ESRRG: variants seen among roughly 807,000 people sequenced by gnomAD.
ESRRG encodes the protein estrogen-related receptor gamma.
Under a neutral mutation model 44.0 loss-of-function variants are expected in ESRRG, and 13 were observed. The observed-to-expected ratio is 0.30, with a 90% confidence interval of 0.19 to 0.47. The LOEUF (loss-of-function observed/expected upper bound fraction) is 0.47, where lower values mean the gene tolerates loss of function less well. ESRRG is among the 20% of genes least tolerant of loss of function. ESRRG has a pLI of 1.00. For missense variants in ESRRG, 395 were observed against 580.6 expected (o/e 0.68, Z 3.29); for synonymous variants, 215 against 214.6 (o/e 1.00, Z -0.02).
intron 3 of ESRRG, among the ~76,000 whole-genome samples, chr1:216,604,186 C>T (rs2059627170): frequency 1.3e-5 from 2 of 152,140 alleles, no homozygotes; most frequent in Admixed American, 1.3e-4. Context: ...TGGAGAATTA[C>T]AGGAGCAAAA....
chr1:216,630,590 G>A (rs571278876), intron 3 of ESRRG, among the ~76,000 whole-genome samples: 9 of 152,006 alleles, frequency 5.9e-5, no homozygotes, highest in East Asian at 1.9e-4. Context: ...AAACCCTCCC[G>A]AGCCCTTAAC....
intron 3 of ESRRG, among the ~76,000 whole-genome samples, chr1:216,650,746 G>A (rs986337096): frequency 5.9e-5 from 9 of 152,136 alleles, no homozygotes; most frequent in Admixed American, 6.6e-5. Context: ...CATACCTGGT[G>A]TGTTTCGCTG....
Position 216,519,210 on chromosome 1 carries a change from G to A in ESRRG, c.1074C>T (p.Ser358=), listed in dbSNP as rs2045314768. The A allele has an allele frequency of 6.2e-7, 1 of 1,613,654 alleles. No individual in the cohort carries two copies. The part of the protein sequence containing the change: ...AILQLVKKYK[S]MKLEKEEFVT... ...CAAATTCTTCTTTTTCCAGCTTCAT[G>A]CTCTTGTATTTCTTTACCAGCTGCA... The change falls in exon 6 of 7, where the codon AGC becomes AGT. Residue 358 remains serine, a synonymous_variant. Coordinates refer to ENST00000408911, the MANE Select transcript of ESRRG (RefSeq NM_001438.4).
intron 2 of ESRRG, among the ~76,000 whole-genome samples, chr1:216,909,695 ATT>A (rs2149566723): frequency 6.6e-6 from 1 of 152,146 alleles, no homozygotes; most frequent in South Asian, 2.1e-4. Context: ...TCCTTACCTA[ATT>A]TATCTGTGAC....
At chr1:216,693,593 T>C (rs906464840) in intron 1 of ESRRG, among the ~76,000 whole-genome samples, 2 of 152,234 alleles carry the variant, frequency 1.3e-5, no homozygotes, top group Admixed American at 6.5e-5. Flanking sequence ...CTTTAAATCA[T>C]CTCTGGATTA....
intron 1 of ESRRG, among the ~76,000 whole-genome samples, chr1:216,956,877 C>T (rs1340330278): frequency 6.6e-6 from 1 of 151,988 alleles, no homozygotes; most frequent in Non-Finnish European, 1.5e-5. Flanking sequence ...ATAAACAAAA[C>T]CAAAAGGTTA....
intron 2 of ESRRG, among the ~76,000 whole-genome samples, chr1:216,918,696 G>A (rs191139976): frequency 6.6e-6 from 1 of 151,644 alleles, no homozygotes; most frequent in Admixed American, 6.6e-5. Flanking sequence ...TGTGCTTTGA[G>A]TTAAAATTTT....
intron 2 of ESRRG, among the ~76,000 whole-genome samples, chr1:216,740,336 C>T (rs1361497345): frequency 6.6e-6 from 1 of 152,108 alleles, no homozygotes; most frequent in Non-Finnish European, 1.5e-5. Context: ...AAAATAAAGG[C>T]ATCTGCACCA....
At chr1:216,695,128 C>T (rs2079872775) in intron 1 of ESRRG, among the ~76,000 whole-genome samples, 1 of 152,036 alleles carries the variant, frequency 6.6e-6, no homozygotes, top group African/African-American at 2.4e-5. Flanking sequence ...GAGGTTTTTG[C>T]ACTCCTAGTA....
intron 2 of ESRRG, among the ~76,000 whole-genome samples, chr1:216,932,826 C>G (rs2063565686): frequency 6.7e-6 from 1 of 150,134 alleles, no homozygotes; most frequent in Non-Finnish European, 1.5e-5. Context: ...CTTTGGCCTC[C>G]CAAAGTGCTA....
At chr1:216,599,797 A>G (rs1286360364) in intron 3 of ESRRG, among the ~76,000 whole-genome samples, 26 of 151,702 alleles carry the variant, frequency 1.7e-4, no homozygotes, top group Admixed American at 1.7e-3. Context: ...GCTTATCTGG[A>G]GTTCATGGAG....
intron 2 of ESRRG, among the ~76,000 whole-genome samples, chr1:216,927,535 C>T (rs74141707): frequency 0.057 from 8,698 of 152,210 alleles, 271 homozygotes; most frequent in African/African-American, 0.079. Context: ...TGCTGAGCTT[C>T]TGAACTAGAA....
chr1:216,724,329 T>C (rs918100978), upstream of ESRRG, among the ~76,000 whole-genome samples: 1 of 150,582 alleles, frequency 6.6e-6, no homozygotes, highest in African/African-American at 2.4e-5. Flanking sequence ...GAATTAAATC[T>C]CTCTCGATGC....
intron 2 of ESRRG, among the ~76,000 whole-genome samples, chr1:216,746,538 C>T (rs555566538): frequency 5.9e-5 from 9 of 152,160 alleles, no homozygotes; most frequent in East Asian, 3.9e-4. Flanking sequence ...TCTTAATTTT[C>T]GTAGTATTTT....
rs546665857 is a variant in ESRRG, at chr1:217,062,641, G to A, written c.-106+26866C>T. Among the ~76,000 whole-genome samples the A allele has an allele frequency of 6.1e-4, 93 of 152,280 alleles. 1 individual carries two copies. The highest frequency in any genetic ancestry group is 8.4e-4 in the Non-Finnish European group (57 of 68,020). ...GTTCTCAAGAGCTAAAACCAAAGAGGAGTGTCAGAGCTTGAGGTCTTCTCT... is the reference window on the plus strand; with the variant it reads ...GTTCTCAAGAGCTAAAACCAAAGAGAAGTGTCAGAGCTTGAGGTCTTCTCT... On this transcript the variant is annotated intron_variant, in intron 1 of 7. Transcript: ENST00000359162.
intron 1 of ESRRG, among the ~76,000 whole-genome samples, chr1:217,058,911 CTA>C (rs953770442): frequency 4.1e-5 from 6 of 146,368 alleles, no homozygotes; most frequent in African/African-American, 1.5e-4. Context: ...ATAGAATAAA[CTA>C]TATAAAATAT....
chr1:216,605,531 T>C (rs2059814632), intron 3 of ESRRG, among the ~76,000 whole-genome samples: 1 of 152,114 alleles, frequency 6.6e-6, no homozygotes, highest in African/African-American at 2.4e-5. Context: ...ATTTTTAAGG[T>C]GTGAAAGAGG....
chr1:216,769,022 T>C (rs2093255814), intron 2 of ESRRG, among the ~76,000 whole-genome samples: 1 of 151,938 alleles, frequency 6.6e-6, no homozygotes, highest in South Asian at 2.1e-4. Context: ...GCCTAATGTA[T>C]GTTATTGACA....
chr1:216,844,733 CT>C (rs1454574883), intron 2 of ESRRG, among the ~76,000 whole-genome samples: 1 of 151,838 alleles, frequency 6.6e-6, no homozygotes, highest in East Asian at 1.9e-4. Context: ...CTTTCCTCCC[CT>C]ACCTCATGTT....
Sources: gnomAD v4.1 joint callset for allele counts (sites outside exome capture counted in the v4.1 genomes callset) on GRCh38, gnomAD v4.1.1 for gene constraint, MANE v1.5 for transcripts, NCBI Gene and HGNC (gene_info 2026-07-23, HGNC 2026-07-21) for gene names.